Variants in INSYN1 observed in about 807,000 individuals in gnomAD.
The protein encoded by INSYN1 is UPF0583 protein C15orf59.
Under a neutral mutation model 17.1 loss-of-function variants are expected in INSYN1, and 7 were observed. The observed-to-expected ratio is 0.41, with a 90% CI of 0.23 to 0.77. The LOEUF is 0.77. INSYN1 is among the 30% of genes least tolerant of loss of function. The pLI is 0.32. For missense variants in INSYN1, 339 were observed against 400.6 expected, an observed-to-expected ratio of 0.85 and a Z score of 1.31; for synonymous variants, 174 against 166.3, an observed-to-expected ratio of 1.05 and a Z score of -0.36.
chr15:73,748,543 A>AT lies in INSYN1; in HGVS notation c.156+2431dup, dbSNP rs554484078. ...GTGCCTCTCAACCTTGAGCCTACCC[A>AT]TGCCCCCGATAAAAAAATGCTACAC... On this transcript the variant is annotated intron_variant, in intron 2 of 2. Coordinates refer to ENST00000569673, the MANE Select transcript of INSYN1 (RefSeq NM_001039614.3). 3.4e-4 allele frequency among the ~76,000 whole-genome samples: 52 copies of AT among 152,258 alleles called. No homozygotes were observed. The East Asian group carries it at 0.01, about 29-fold the overall frequency.
rs1355721438 is a variant in INSYN1, at chr15:73,740,177, G to A, written c.622C>T (p.Gln208Ter). Residue 208 changes from glutamine (Q) to a stop codon, truncating the protein, a stop_gained, in exon 3 of 3, where the codon CAG (glutamine) becomes TAG (stop). Coordinates refer to ENST00000569673, the MANE Select transcript of INSYN1 (RefSeq NM_001039614.3). LOFTEE classifies it high-confidence loss of function. ...CCCACTTCTTCCTCCTCCACCTCCT[G>A]CTCACCGTCCCCCTCCTCATCGTCA... ...CCDDEEGDGE[Q>*]EVEEEEVGLP... The A allele has an allele frequency of 6.2e-7, 1 of 1,614,016 alleles. No individual in the cohort carries two copies. The highest frequency in any genetic ancestry group is 1.1e-5 in the South Asian group (1 of 91,074).
In INSYN1 at chr15:73,751,242, C is replaced by A; in HGVS notation, c.-112G>T. The A allele has an allele frequency of 7.6e-7, 1 of 1,323,602 alleles. No individual in the cohort carries two copies. Among genetic ancestry groups the A allele is most frequent in the South Asian group, 1.4e-5 (1 of 73,632 alleles). The allele number at this position is 1,323,602 out of a possible 1,614,324, so 82.0% of individuals were successfully genotyped here. A position where few individuals can be genotyped will look rare whatever the true frequency, so the allele number is the denominator to read the frequency against. On this transcript the variant is annotated 5_prime_UTR_variant, in exon 2 of 3. Coordinates refer to ENST00000569673, the MANE Select transcript of INSYN1 (RefSeq NM_001039614.3). ...GCAGAGCTCCACATTTTAACGGCCC[C>A]CCAGCCCACCCTGGCCCTGGGCGGC...
intron 1 of INSYN1, among the ~76,000 whole-genome samples, 197 bp downstream of exon 1, chr15:73,751,913 T>C (rs1054683502): frequency 6.6e-6 from 1 of 151,970 alleles, no homozygotes; most frequent in Non-Finnish European, 1.5e-5. Context: ...GTCCTCAGCC[T>C]GCTACGGGGC....
In INSYN1 at chr15:73,737,031, C is replaced by T. The variant is rs1901547518; in HGVS notation, c.*2886G>A. ...ACCTATATCCCACTTCCCCCTCCTC[C>T]AGGATATACTCCCACCACTGCCCTA... is the stretch of plus-strand genomic sequence containing the variant. On this transcript the variant is annotated 3_prime_UTR_variant, in exon 3 of 3. Coordinates refer to ENST00000569673, the MANE Select transcript of INSYN1 (RefSeq NM_001039614.3). 1 of 152,366 alleles carries T rather than the reference C, an allele frequency of 6.6e-6. No individual in the cohort carries two copies. The highest frequency in any genetic ancestry group is 2.4e-5 in the African/African-American group (1 of 41,440). 9.4% of individuals were successfully genotyped at this position (152,366 alleles called of 1,614,324 possible). A position where few individuals can be genotyped will look rare whatever the true frequency, so the allele number is the denominator to read the frequency against.
rs2141460581 is a variant in INSYN1, at chr15:73,738,200, A to G, written c.*1717T>C. ...GCAGCTGGTGAGGTAGGTGAAGACT[A>G]CCAGACCCATTATACAGAGGAGGTA... On this transcript the variant is annotated 3_prime_UTR_variant, in exon 3 of 3. Transcript: ENST00000569673. 6.6e-6 allele frequency: 1 copy of G among 152,392 alleles called. No individual in the cohort carries two copies. Among genetic ancestry groups the G allele is most frequent in the Admixed American group, 6.5e-5 (1 of 15,310 alleles). 9.4% of individuals were successfully genotyped at this position (152,392 alleles called of 1,614,324 possible).
In INSYN1 at chr15:73,739,065, C is replaced by A. The variant is rs971256453; in HGVS notation, c.*852G>T. The A allele has an allele frequency of 6.6e-6, 1 of 152,322 alleles. No individual in the cohort carries two copies. Among genetic ancestry groups the A allele is most frequent in the African/African-American group, 2.4e-5 (1 of 41,466 alleles). The allele number at this position is 152,322 out of a possible 1,614,324, so 9.4% of individuals were successfully genotyped here. ...GTGAAGGTGGCCAGGAGCCTGTCTA[C>A]GGCCCTAATTTTTAGCCCCATGGAA... On this transcript the variant is annotated 3_prime_UTR_variant, in exon 3 of 3. Transcript: ENST00000569673.
intron 2 of INSYN1, 127 bp downstream of exon 2, chr15:73,750,848 G>C: frequency 9.8e-7 from 1 of 1,022,118 alleles, no homozygotes. Flanking sequence ...GAGAAAGAAG[G>C]TCCCCAGTAG....
chr15:73,750,076 G>T (rs932622874), intron 2 of INSYN1, among the ~76,000 whole-genome samples: 2 of 152,206 alleles, frequency 1.3e-5, no homozygotes, highest in Admixed American at 6.5e-5. Flanking sequence ...CTGATTACAA[G>T]GAGTTGAAAT....
intron 2 of INSYN1, among the ~76,000 whole-genome samples, chr15:73,747,122 G>A (rs1156776827): frequency 1.3e-5 from 2 of 152,084 alleles, no homozygotes; most frequent in East Asian, 1.9e-4. Flanking sequence ...ACCTGCATAT[G>A]CCAAGCACAC....
chr15:73,740,845 A>G (rs2141464269), intron 2 of INSYN1, among the ~76,000 whole-genome samples: 1 of 152,272 alleles, frequency 6.6e-6, no homozygotes, highest in East Asian at 1.9e-4. Context: ...GGCTGGACAG[A>G]GCTTGTTCCG....
chr15:73,749,695 C>T (rs940285110), intron 2 of INSYN1, among the ~76,000 whole-genome samples: 1 of 152,224 alleles, frequency 6.6e-6, no homozygotes, highest in Admixed American at 6.5e-5. Flanking sequence ...GATGTGCAAC[C>T]CAGACTATGG....
At position 73,740,271 on chromosome 15, in the gene INSYN1, G is replaced by A. The variant is rs756987412; in HGVS notation, c.528C>T (p.Pro176=). ...GAGPTVKSQL[P]QRTPGTRERV... is the part of the protein sequence containing the mutation. ...TCTCCCGTGTCCCTGGGGTCCGCTG[G>A]GGCAGCTGGCTCTTCACCGTGGGGC... Residue 176 remains proline (P), a synonymous_variant, in exon 3 of 3, where the codon CCC becomes CCT. Transcript: ENST00000569673. 8.7e-6 allele frequency: 14 copies of A among 1,613,700 alleles called. No individual in the cohort carries two copies. The Middle Eastern group carries it at 8.2e-4, about 95-fold the overall frequency.
intron 2 of INSYN1, among the ~76,000 whole-genome samples, chr15:73,745,144 C>G (rs563300963): frequency 1.3e-5 from 2 of 152,146 alleles, no homozygotes; most frequent in Non-Finnish European, 2.9e-5. Flanking sequence ...TTGCTTCATG[C>G]TGCACCTAGG....
At chr15:73,742,516 A>C (rs1901715017) in intron 2 of INSYN1, among the ~76,000 whole-genome samples, 1 of 152,088 alleles carries the variant, frequency 6.6e-6, no homozygotes, top group Non-Finnish European at 1.5e-5. Context: ...CACCCATGAG[A>C]TCATTATCTC....
chr15:73,742,958 C>G (rs1901726338), intron 2 of INSYN1, among the ~76,000 whole-genome samples: 2 of 152,228 alleles, frequency 1.3e-5, no homozygotes, highest in Admixed American at 1.3e-4. Flanking sequence ...TTGAAAACCA[C>G]TAGCCTAGGG....
At chr15:73,749,050 G>A (rs903144644) in intron 2 of INSYN1, among the ~76,000 whole-genome samples, 3 of 152,208 alleles carry the variant, frequency 2.0e-5, no homozygotes, top group Non-Finnish European at 4.4e-5. Flanking sequence ...TGAACCTGGA[G>A]CTCTGCTATT....
intron 2 of INSYN1, among the ~76,000 whole-genome samples, chr15:73,745,248 T>C (rs1006059716): frequency 6.6e-6 from 1 of 151,868 alleles, no homozygotes; most frequent in East Asian, 1.9e-4. Flanking sequence ...CATAACTCCC[T>C]ACCCACCCCC....
intron 2 of INSYN1, among the ~76,000 whole-genome samples, chr15:73,742,480 G>A (rs1489320004): frequency 1.3e-5 from 2 of 152,132 alleles, no homozygotes; most frequent in East Asian, 3.9e-4. Flanking sequence ...CACCTACCAT[G>A]CACCATGCTT....
chr15:73,746,222 C>T (rs1330303934), intron 2 of INSYN1, among the ~76,000 whole-genome samples: 2 of 152,054 alleles, frequency 1.3e-5, no homozygotes, highest in African/African-American at 2.4e-5. Context: ...GGAGGGGCAG[C>T]GAGCTGATCG....
Sources: allele counts gnomAD v4.1 joint callset (sites outside exome capture counted in the v4.1 genomes callset), GRCh38; gene constraint gnomAD v4.1.1; transcripts MANE v1.5; gene names NCBI Gene and HGNC (gene_info 2026-07-23, HGNC 2026-07-21).